Variants in P2RX1 observed in about 807,000 individuals in gnomAD.
The protein encoded by P2RX1 is P2X purinoceptor 1.
A neutral mutation model predicts 50.3 loss-of-function variants in P2RX1; 42 were observed. The observed-to-expected ratio is 0.83, with a 90% CI of 0.65 to 1.08. The LOEUF (loss-of-function observed/expected upper bound fraction) is 1.08. P2RX1 is among the 50% of genes least tolerant of loss of function. The pLI, the probability that P2RX1 is intolerant of heterozygous loss-of-function variation, is 0.00. For missense variants in P2RX1, 449 were observed against 529.0 expected, an observed-to-expected ratio of 0.85 and a Z score of 1.48; for synonymous variants, 199 against 202.6, an observed-to-expected ratio of 0.98 and a Z score of 0.15.
chr17:3,905,099 C>A (rs2144019071), intron 2 of P2RX1, 121 bp downstream of exon 2: 2 of 1,387,398 alleles, frequency 1.4e-6, no homozygotes, highest in Middle Eastern at 2.5e-4. Context: ...TTCTGCCCGG[C>A]ATTCACAGAG....
rs1597516551 is a variant in P2RX1, at chr17:3,904,145, G to T, written c.428-121C>A. Reference sequence around the variant, plus strand: ...CAAAGGAGCCAAGGACAGAAACGTGGCTGGGTCCCGGACGGGCAGGCCAAG... The same window carrying T: ...CAAAGGAGCCAAGGACAGAAACGTGTCTGGGTCCCGGACGGGCAGGCCAAG... On this transcript the variant is annotated intron_variant, in intron 4 of 11. Coordinates refer to ENST00000225538, the MANE Select transcript of P2RX1 (RefSeq NM_002558.4). 2.7e-5 allele frequency: 28 copies of T among 1,028,034 alleles called. No homozygotes were observed. The East Asian group carries it at 6.8e-4, about 25-fold the overall frequency. 63.7% of individuals were successfully genotyped at this position (1,028,034 alleles called of 1,614,324 possible). A position where few individuals can be genotyped will look rare whatever the true frequency, so the allele number is the denominator to read the frequency against.
Position 3,914,134 on chromosome 17 carries a change from G to C in P2RX1, c.137+1955C>G, listed in dbSNP as rs899884203. Among the ~76,000 whole-genome samples the C allele has an allele frequency of 6.6e-6, 1 of 152,176 alleles. No homozygotes were observed. The highest frequency in any genetic ancestry group is 1.5e-5 in the Non-Finnish European group (1 of 68,040). ...TTCCTTCCACCCTCTGCTGTGTGAC[G>C]TGGGCAGGCCAGTGCCCTCTCTCTG... On this transcript the variant is annotated intron_variant, in intron 1 of 11. Transcript: ENST00000225538. The surrounding 1 kb of genome is among the most constrained non-coding windows in gnomAD (Gnocchi z 4.1).
At chr17:3,911,966 T>C (rs1432268608) in intron 1 of P2RX1, among the ~76,000 whole-genome samples, 1 of 152,176 alleles carries the variant, frequency 6.6e-6, no homozygotes, top group Non-Finnish European at 1.5e-5. Context: ...ACCTGAGACT[T>C]TTGCTGGAGC....
In P2RX1 at chr17:3,905,292, GCCCTTGAGTTTCACAGA is replaced by G; in HGVS notation, c.196_212del (p.Ser66ProfsTer18). 1 of 1,613,986 alleles carries G rather than the reference GCCCTTGAGTTTCACAGA, an allele frequency of 6.2e-7. No individual in the cohort carries two copies. Among genetic ancestry groups the G allele is most frequent in the Non-Finnish European group, 8.5e-7 (1 of 1,180,032 alleles). On this transcript the variant is annotated frameshift_variant, in exon 2 of 12. Transcript: ENST00000225538. LOFTEE classifies it high-confidence loss of function. The stretch of plus-strand genomic sequence containing the variant: ...GGCCAGGGAGCTGGGTCACGGCCAG[GCCCTTGAGTTTCACAGA>G]GACACTGCTGATGAGGCCGCTCGAG...
chr17:3,904,666 G>A, intron 3 of P2RX1, 192 bp downstream of exon 3: 4 of 634,692 alleles, frequency 6.3e-6, no homozygotes, highest in South Asian at 3.6e-5. Context: ...CTGGTACACC[G>A]TGTGCTGGGC....
At chr17:3,908,298 T>C (rs1052776803) in intron 1 of P2RX1, among the ~76,000 whole-genome samples, 7 of 152,168 alleles carry the variant, frequency 4.6e-5, no homozygotes, top group Non-Finnish European at 1.0e-4. Flanking sequence ...CGGTGGCTCA[T>C]GCCTGTAATC....
At position 3,915,977 on chromosome 17, in the gene P2RX1, C is replaced by T. The variant is rs547238560; in HGVS notation, c.137+112G>A. The T allele has an allele frequency of 6.1e-4, 772 of 1,273,948 alleles. 1 individual carries two copies. The highest frequency in any genetic ancestry group is 1.2e-3 in the Admixed American group (59 of 50,320). The allele number at this position is 1,273,948 out of a possible 1,614,324, so 78.9% of individuals were successfully genotyped here. A position where few individuals can be genotyped will look rare whatever the true frequency, so the allele number is the denominator to read the frequency against. On this transcript the variant is annotated intron_variant, in intron 1 of 11. Transcript: ENST00000225538. Reference sequence around the variant, plus strand: ...ACAGTGGCTTGCCAGGAAGGCCTTCCCCTGGATGGAGAGGAAGAGGGGCTC... The same window carrying T: ...ACAGTGGCTTGCCAGGAAGGCCTTCTCCTGGATGGAGAGGAAGAGGGGCTC...
rs768067716 is a variant in P2RX1 at position 3,903,609 on chromosome 17, C to T, written c.547G>A (p.Glu183Lys). Reference protein sequence around the residue: ...IPRPALLREAENFTLFIKNSI... With the variant: ...IPRPALLREAKNFTLFIKNSI... ...TTCTTGATGAAAAGAGTGAAGTTCT[C>T]GGCCTCTCGGAGAAGGGCAGGGCTG... Residue 183 changes from glutamate (E) to lysine (K), a missense_variant, in exon 6 of 12, where the codon GAG (glutamate) becomes AAG (lysine). Physicochemically the swap from Glu to Lys is moderately conservative, Grantham distance 56. Transcript: ENST00000225538. This position sits in a 1 kb window ranked among gnomAD's most constrained non-coding sequence, Gnocchi z 4.6. The T allele has an allele frequency of 3.3e-5, 53 of 1,614,012 alleles. No individual in the cohort carries two copies. In the Admixed American group the frequency reaches 4.5e-4, roughly 14 times the overall value.
At position 3,903,723 on chromosome 17, in the gene P2RX1, C is replaced by T; in HGVS notation, c.525-92G>A. ...TGGCACAGCAGGGGGTGGGCCGAGC[C>T]TCCGGGACCCGCCTGCAGCCCTGGG... On this transcript the variant is annotated intron_variant, in intron 5 of 11. Coordinates refer to ENST00000225538, the MANE Select transcript of P2RX1 (RefSeq NM_002558.4). This position sits in a 1 kb window ranked among gnomAD's most constrained non-coding sequence, Gnocchi z 4.6. 7.2e-7 allele frequency: 1 copy of T among 1,382,588 alleles called. No homozygotes were observed. The highest frequency in any genetic ancestry group is 1.0e-6 in the Non-Finnish European group (1 of 977,788). 85.6% of individuals were successfully genotyped at this position (1,382,588 alleles called of 1,614,324 possible).
In P2RX1 at chr17:3,899,819, A is replaced by C. The variant is rs1400399914; in HGVS notation, c.748-58T>G. ...TTTCAGGATCAAAAACCCCTGTCTC[A>C]GCCGGGCGCAGTGGCTCACACCTGT... On this transcript the variant is annotated intron_variant, in intron 7 of 11. Coordinates refer to ENST00000225538, the MANE Select transcript of P2RX1 (RefSeq NM_002558.4). The C allele has an allele frequency of 3.8e-6, 6 of 1,599,370 alleles. No individual in the cohort carries two copies. In the East Asian group the frequency reaches 1.1e-4, roughly 30 times the overall value.
At chr17:3,900,078 G>A in intron 7 of P2RX1, among the ~76,000 whole-genome samples, 1 of 151,516 alleles carries the variant, frequency 6.6e-6, no homozygotes, top group Non-Finnish European at 1.5e-5. Flanking sequence ...TCTAGCCTGG[G>A]TGCAGAGCCA....
At position 3,904,860 on chromosome 17, in the gene P2RX1, C is replaced by G; in HGVS notation, c.355G>C (p.Glu119Gln). ...TPKQTQGYCA[E>Q]HPEGGICKED... is the part of the protein sequence containing the mutation. ...GGCTGGCGGGCAGAAGTCCTCACCT[C>G]TGCGCAGTAGCCTTGAGTCTGCTTC... The change falls in exon 3 of 12, where the codon GAG becomes CAG. Residue 119 changes from glutamate (E) to glutamine (Q), a missense_variant and splice_region_variant. Coordinates refer to ENST00000225538, the MANE Select transcript of P2RX1 (RefSeq NM_002558.4). 1 of 1,588,074 alleles carries G rather than the reference C, an allele frequency of 6.3e-7. No individual in the cohort carries two copies. The highest frequency in any genetic ancestry group is 1.1e-5 in the South Asian group (1 of 87,054).
Position 3,905,215 on chromosome 17 carries a change from C to A in P2RX1, c.285+5G>T. On this transcript the variant is annotated splice_donor_5th_base_variant and intron_variant, in intron 2 of 11. Coordinates refer to ENST00000225538, the MANE Select transcript of P2RX1 (RefSeq NM_002558.4). Reference sequence around the variant, plus strand: ...AGGGGAAGGTGCAAACCTGAGCCAGCTCACCTGGGCTGGGAAGACGTAGTC... The same window carrying A: ...AGGGGAAGGTGCAAACCTGAGCCAGATCACCTGGGCTGGGAAGACGTAGTC... 3 of 1,612,216 alleles carry A rather than the reference C, an allele frequency of 1.9e-6. No homozygotes were observed. Among genetic ancestry groups the A allele is most frequent in the Non-Finnish European group, 1.7e-6 (2 of 1,179,524 alleles).
At chr17:3,913,900 G>T (rs1163333961) in intron 1 of P2RX1, among the ~76,000 whole-genome samples, 1 of 152,238 alleles carries the variant, frequency 6.6e-6, no homozygotes, top group Non-Finnish European at 1.5e-5. Flanking sequence ...CCACGGGCCG[G>T]TTAGGAAGCT....
Position 3,903,704 on chromosome 17 carries a change from A to G in P2RX1, c.525-73T>C. 1 of 1,524,174 alleles carries G rather than the reference A, an allele frequency of 6.6e-7. No individual in the cohort carries two copies. Among genetic ancestry groups the G allele is most frequent in the Non-Finnish European group, 9.1e-7 (1 of 1,101,624 alleles). The allele number at this position is 1,524,174 out of a possible 1,614,324, so 94.4% of individuals were successfully genotyped here. On this transcript the variant is annotated intron_variant, in intron 5 of 11. Coordinates refer to ENST00000225538, the MANE Select transcript of P2RX1 (RefSeq NM_002558.4). The surrounding 1 kb of genome is among the most constrained non-coding windows in gnomAD (Gnocchi z 4.6). ...GTGTGTCCCACACAGAGCTTGGCAC[A>G]GCAGGGGGTGGGCCGAGCCTCCGGG... is the stretch of plus-strand genomic sequence containing the variant.
intron 1 of P2RX1, among the ~76,000 whole-genome samples, chr17:3,907,400 C>T (rs917924911): frequency 6.6e-6 from 1 of 151,186 alleles, no homozygotes; most frequent in Non-Finnish European, 1.5e-5. Flanking sequence ...GATGTATCAT[C>T]CCCCTCCACT....
chr17:3,915,499 T>G (rs752082836), intron 1 of P2RX1: 3 of 456,544 alleles, frequency 6.6e-6, no homozygotes, highest in South Asian at 1.5e-5. Flanking sequence ...GGTCCGGAGA[T>G]GCCCAGAAAG....
intron 1 of P2RX1, 113 bp downstream of exon 1, chr17:3,915,976 C>T (rs922230693): frequency 4.7e-6 from 6 of 1,264,328 alleles, no homozygotes; most frequent in Non-Finnish European, 6.8e-6. Context: ...GGAAGGCCTT[C>T]CCCTGGATGG....
chr17:3,907,506 C>G (rs994232304), intron 1 of P2RX1, among the ~76,000 whole-genome samples: 3 of 152,162 alleles, frequency 2.0e-5, no homozygotes, highest in Non-Finnish European at 4.4e-5. Flanking sequence ...ACAGAACTCT[C>G]CAGGCCTCTT....
Sources: gnomAD v4.1 joint callset for allele counts (sites outside exome capture counted in the v4.1 genomes callset) on GRCh38, gnomAD v4.1.1 for gene constraint, Gnocchi (gnomAD v3.1) non-coding constraint, MANE v1.5 for transcripts, NCBI Gene and HGNC (gene_info 2026-07-23, HGNC 2026-07-21) for gene names.